SNX7: variants seen among roughly 807,000 people sequenced by gnomAD.
The protein encoded by SNX7 is sorting nexin 7, also known as sorting nexin-7.
A neutral mutation model predicts 48.4 loss-of-function variants in SNX7; 35 were observed. That is an observed-to-expected ratio of 0.72 (90% CI 0.55 to 0.96). The LOEUF is 0.96. Ranked by LOEUF, SNX7 falls within the 40% of genes least tolerant of loss-of-function variation. The pLI, the probability that SNX7 is intolerant of heterozygous loss-of-function variation, is 0.00. For missense variants in SNX7, 553 were observed against 548.9 expected, an observed-to-expected ratio of 1.01 and a Z score of -0.07; for synonymous variants, 190 against 190.2, an observed-to-expected ratio of 1.00 and a Z score of 0.01.
intron 7 of SNX7, among the ~76,000 whole-genome samples, chr1:98,720,022 T>C (rs1291163388): frequency 6.6e-6 from 1 of 151,622 alleles, no homozygotes; most frequent in African/African-American, 2.4e-5. Context: ...GATTTGATGC[T>C]GCCTTCGAAA....
chr1:98,679,544 C>G (rs1035255449), intron 1 of SNX7, among the ~76,000 whole-genome samples: 10 of 152,096 alleles, frequency 6.6e-5, no homozygotes, highest in African/African-American at 2.4e-4. Context: ...AAGGCAAGTC[C>G]CTTCCACCTA....
intron 1 of SNX7, chr1:98,662,842 C>T: frequency 1.6e-6 from 2 of 1,288,710 alleles, no homozygotes; most frequent in Middle Eastern, 2.1e-4. Context: ...TACTTAACCA[C>T]CGCATTTACT....
At chr1:98,699,350 C>T (rs1651634805) in intron 6 of SNX7, among the ~76,000 whole-genome samples, 1 of 152,058 alleles carries the variant, frequency 6.6e-6, no homozygotes, top group Admixed American at 6.6e-5. Flanking sequence ...CTTCTGGTTG[C>T]TTTTAAAAGA....
chr1:98,742,544 T>C (rs1654123531), intron 8 of SNX7, among the ~76,000 whole-genome samples: 1 of 152,130 alleles, frequency 6.6e-6, no homozygotes, highest in Admixed American at 6.6e-5. Flanking sequence ...TATTTTATAA[T>C]ATAGTTCATT....
rs188930815 is a variant in SNX7, at chr1:98,747,684, C to T, written c.1278+9295C>T. Among the ~76,000 whole-genome samples, 33 of 152,152 alleles carry T rather than the reference C, an allele frequency of 2.2e-4. No homozygotes were observed. The East Asian group carries it at 2.7e-3, about 12-fold the overall frequency. Reference sequence around the variant, plus strand: ...CCTTTCTCATTTAAAAGTTTATAGTCGATTTAATATTGAAGCATCATATAA... The same window carrying T: ...CCTTTCTCATTTAAAAGTTTATAGTTGATTTAATATTGAAGCATCATATAA... On this transcript the variant is annotated intron_variant, in intron 8 of 8. Transcript: ENST00000306121.
chr1:98,671,780 G>A (rs1267536592), intron 1 of SNX7, among the ~76,000 whole-genome samples: 1 of 152,006 alleles, frequency 6.6e-6, no homozygotes, highest in Non-Finnish European at 1.5e-5. Flanking sequence ...CAAATAAATA[G>A]AATCATATCA....
Position 98,691,679 on chromosome 1 carries a change from T to C in SNX7, c.619T>C (p.Phe207Leu). ...TLTFNEDFKI[F>L]LTAQAWELSS... Reference sequence around the variant, plus strand: ...AACATTTAATGAAGACTTCAAAATTTTTCTCACTGCACAAGCTTGGGTAAA... The same window carrying C: ...AACATTTAATGAAGACTTCAAAATTCTTCTCACTGCACAAGCTTGGGTAAA... The change falls in exon 4 of 9, where the codon TTT (phenylalanine) becomes CTT (leucine). Residue 207 changes from phenylalanine (F) to leucine (L), a missense_variant. Coordinates refer to ENST00000306121, the MANE Select transcript of SNX7 (RefSeq NM_015976.5). 1 of 1,606,780 alleles carries C rather than the reference T, an allele frequency of 6.2e-7. No homozygotes were observed. The highest frequency in any genetic ancestry group is 8.5e-7 in the Non-Finnish European group (1 of 1,176,634).
At chr1:98,727,888 A>C (rs9442152) in intron 7 of SNX7, among the ~76,000 whole-genome samples, 83,765 of 151,694 alleles carry the variant, frequency 0.55, 24,174 homozygotes, top group Non-Finnish European at 0.64. Flanking sequence ...GAGATTATAT[A>C]AAAAGACTAA....
At chr1:98,738,184 C>A in intron 7 of SNX7, 53 bp from the exon 8 acceptor site, 2 of 1,564,212 alleles carry the variant, frequency 1.3e-6, no homozygotes, top group South Asian at 1.2e-5. Flanking sequence ...GATGAATTCA[C>A]CTGATGGAAA....
intron 8 of SNX7, among the ~76,000 whole-genome samples, chr1:98,748,789 C>T (rs1654434682): frequency 6.6e-6 from 1 of 152,060 alleles, no homozygotes; most frequent in Admixed American, 6.6e-5. Context: ...TCTATATACC[C>T]AGTTTGCTAA....
chr1:98,746,112 G>A (rs1010371429), intron 8 of SNX7, among the ~76,000 whole-genome samples: 3 of 152,000 alleles, frequency 2.0e-5, no homozygotes, highest in African/African-American at 4.8e-5. Flanking sequence ...CATAGACTCC[G>A]AGAAACTGCC....
chr1:98,737,814 A>G (rs1225418346), intron 7 of SNX7, among the ~76,000 whole-genome samples: 3 of 152,176 alleles, frequency 2.0e-5, no homozygotes, highest in Non-Finnish European at 4.4e-5. Context: ...AAAAACCATT[A>G]AAAAATGAGG....
At chr1:98,739,469 C>T (rs138468256) in intron 8 of SNX7, among the ~76,000 whole-genome samples, 5 of 152,292 alleles carry the variant, frequency 3.3e-5, no homozygotes, top group African/African-American at 1.2e-4. Context: ...CCTTCTATCA[C>T]CAGACATTGT....
chr1:98,673,687 G>T (rs1290740047), intron 1 of SNX7, among the ~76,000 whole-genome samples: 1 of 152,174 alleles, frequency 6.6e-6, no homozygotes, highest in Non-Finnish European at 1.5e-5. Flanking sequence ...TGTGCACATG[G>T]ATGGTGAGGG....
At position 98,661,806 on chromosome 1, in the gene SNX7, G is replaced by C. The variant is rs1372183839; in HGVS notation, c.75G>C (p.Pro25=). 1.1e-5 allele frequency: 14 copies of C among 1,244,698 alleles called. No homozygotes were observed. The highest frequency in any genetic ancestry group is 1.3e-5 in the Non-Finnish European group (13 of 986,930). The allele number at this position is 1,244,698 out of a possible 1,614,324, so 77.1% of individuals were successfully genotyped here. A position where few individuals can be genotyped will look rare whatever the true frequency, so the allele number is the denominator to read the frequency against. The part of the protein sequence containing the change: ...LPAGGANGES[P]GGGAPFPGSS... ...CCGGGGGCGCCAACGGGGAGAGCCC[G>C]GGGGGCGGCGCCCCCTTTCCGGGCA... The change falls in exon 1 of 9, where the codon CCG becomes CCC. Residue 25 remains proline, a synonymous_variant. Coordinates refer to ENST00000306121, the MANE Select transcript of SNX7 (RefSeq NM_015976.5).
In SNX7 at chr1:98,760,236, G is replaced by C. The variant is rs1655047774; in HGVS notation, c.*105G>C. The stretch of plus-strand genomic sequence containing the variant: ...TTATAAAGTGGATGAAAAATGTTTT[G>C]TACCCATCTGGAAAACCAACAACTT... On this transcript the variant is annotated 3_prime_UTR_variant, in exon 9 of 9. Transcript: ENST00000306121. 44 of 856,296 alleles carry C rather than the reference G, an allele frequency of 5.1e-5. 1 individual carries two copies. In the South Asian group the frequency reaches 6.9e-4, roughly 13 times the overall value. 53.0% of individuals were successfully genotyped at this position (856,296 alleles called of 1,614,324 possible). A position where few individuals can be genotyped will look rare whatever the true frequency, so the allele number is the denominator to read the frequency against.
At chr1:98,709,098 T>C (rs892387341) in intron 7 of SNX7, among the ~76,000 whole-genome samples, 7 of 152,234 alleles carry the variant, frequency 4.6e-5, no homozygotes, top group African/African-American at 1.7e-4. Flanking sequence ...CTCCATACTT[T>C]AGTTTACTCA....
intron 1 of SNX7, among the ~76,000 whole-genome samples, chr1:98,667,341 A>G (rs1255310880): frequency 6.6e-6 from 1 of 152,190 alleles, no homozygotes; most frequent in Non-Finnish European, 1.5e-5. Context: ...TAAAAATACC[A>G]TTAAGATATA....
intron 7 of SNX7, among the ~76,000 whole-genome samples, chr1:98,736,000 A>G (rs1031260192): frequency 4.6e-5 from 7 of 152,180 alleles, no homozygotes; most frequent in African/African-American, 1.7e-4. Flanking sequence ...TGTTGGTTAG[A>G]GCAGAGCCAC....
Sources: allele counts gnomAD v4.1 joint callset (sites outside exome capture counted in the v4.1 genomes callset), GRCh38; gene constraint gnomAD v4.1.1; transcripts MANE v1.5; gene names NCBI Gene and HGNC (gene_info 2026-07-23, HGNC 2026-07-21).